Variants in SRBD1 observed in about 807,000 individuals in gnomAD.
SRBD1 encodes the protein S1 RNA-binding domain-containing protein 1.
Under a neutral mutation model 115.3 loss-of-function variants are expected in SRBD1, and 88 were observed. That is an observed-to-expected ratio of 0.76 (90% CI 0.64 to 0.91). The LOEUF (loss-of-function observed/expected upper bound fraction) is 0.91. SRBD1 is among the 40% of genes least tolerant of loss of function. The probability of loss-of-function intolerance (pLI) is 0.00; values close to 1 mark genes in which losing one functional copy is unlikely to be tolerated. For missense variants in SRBD1, 1,385 were observed against 1,177.4 expected (o/e 1.18, Z -2.58); for synonymous variants, 509 against 407.7 (o/e 1.25, Z -2.99).
rs367558918 is a variant in SRBD1 at position 45,418,374 on chromosome 2, G to T, written c.2324C>A (p.Thr775Lys). Residue 775 changes from threonine to lysine, a missense_variant, in exon 18 of 21, where the codon ACG becomes AAG. Physicochemically the swap from Thr to Lys is moderately conservative, Grantham distance 78. Transcript: ENST00000263736. ...FIRINQDYIR[T>K]FCSQQTETSG... ...GTATACTTATACTCACCTGCAAAACGTTCGGATATAATCCTGGTTGATTCT... is the reference window on the plus strand; with the variant it reads ...GTATACTTATACTCACCTGCAAAACTTTCGGATATAATCCTGGTTGATTCT... 1.2e-6 allele frequency: 2 copies of T among 1,613,284 alleles called. No individual in the cohort carries two copies. The highest frequency in any genetic ancestry group is 1.1e-5 in the South Asian group (1 of 91,028).
chr2:45,608,659 G>T (rs1316825613), intron 1 of SRBD1, among the ~76,000 whole-genome samples: 1 of 151,832 alleles, frequency 6.6e-6, no homozygotes, highest in Non-Finnish European at 1.5e-5. Flanking sequence ...ATAATAAACT[G>T]CCTGTCTCTG....
chr2:45,427,689 G>A (rs1389060766), intron 16 of SRBD1, among the ~76,000 whole-genome samples: 1 of 152,152 alleles, frequency 6.6e-6, no homozygotes, highest in African/African-American at 2.4e-5. Flanking sequence ...CAATATCCCT[G>A]ATGAACATCA....
rs889117412 is a variant in SRBD1, at chr2:45,448,458, A to G, written c.2049+28535T>C. ...AGTGGACCATTCTACTATTATGACA[A>G]AGGTATTCAGCATTAGGCACAGAGC... On this transcript the variant is annotated intron_variant, in intron 16 of 20. Coordinates refer to ENST00000263736, the MANE Select transcript of SRBD1 (RefSeq NM_018079.5). Among the ~76,000 whole-genome samples, 12 of 152,168 alleles carry G rather than the reference A, an allele frequency of 7.9e-5. No homozygotes were observed. The East Asian group carries it at 1.9e-3, about 24-fold the overall frequency.
chr2:45,473,113 C>T (rs532035423), intron 16 of SRBD1, among the ~76,000 whole-genome samples: 1 of 151,858 alleles, frequency 6.6e-6, no homozygotes, highest in South Asian at 2.1e-4. Context: ...TGTTTATTTC[C>T]TATACTTTCT....
chr2:45,417,074 T>C (rs1319463682), intron 18 of SRBD1, among the ~76,000 whole-genome samples: 2 of 152,226 alleles, frequency 1.3e-5, no homozygotes, highest in Non-Finnish European at 2.9e-5. Context: ...AAAGAACATA[T>C]AAACTAACAA....
Position 45,602,054 on chromosome 2 carries a change from T to C in SRBD1, c.110A>G (p.Glu37Gly). 11 of 1,614,026 alleles carry C rather than the reference T, an allele frequency of 6.8e-6. No homozygotes were observed. Among genetic ancestry groups the C allele is most frequent in the Non-Finnish European group, 8.5e-6 (10 of 1,179,956 alleles). ...CTTTTGGGGCTCCCAGGCACTATCT[T>C]CCTTGTCATCTTCTTCAGAGGCAGA... is the stretch of plus-strand genomic sequence containing the variant. ...LSSASEEDDK[E>G]DSAWEPQKKV... Residue 37 changes from glutamate (E) to glycine (G), a missense_variant, in exon 3 of 21, where the codon GAA becomes GGA. Coordinates refer to ENST00000263736, the MANE Select transcript of SRBD1 (RefSeq NM_018079.5).
intron 19 of SRBD1, among the ~76,000 whole-genome samples, chr2:45,398,060 A>T (rs1017194738): frequency 6.6e-6 from 1 of 152,228 alleles, no homozygotes; most frequent in African/African-American, 2.4e-5. Context: ...AAGCTAACAG[A>T]TATCTAGTGA....
intron 18 of SRBD1, among the ~76,000 whole-genome samples, chr2:45,417,903 T>C (rs114467589): frequency 0.029 from 4,455 of 152,300 alleles, 217 homozygotes; most frequent in African/African-American, 0.1. Flanking sequence ...ATTTCCTGAA[T>C]ACACCAAAGT....
chr2:45,401,626 T>TC (rs1254247871), intron 19 of SRBD1, among the ~76,000 whole-genome samples: 5 of 152,208 alleles, frequency 3.3e-5, no homozygotes, highest in African/African-American at 1.2e-4. Flanking sequence ...CAGGCAAGTT[T>TC]CCCACAAAGG....
intron 14 of SRBD1, among the ~76,000 whole-genome samples, chr2:45,503,199 TA>T (rs1271416490): frequency 8.0e-6 from 1 of 124,288 alleles, no homozygotes; most frequent in African/African-American, 3.5e-5. Flanking sequence ...CTAAACATAT[TA>T]ATTAGCCCTT....
intron 14 of SRBD1, among the ~76,000 whole-genome samples, chr2:45,523,207 T>C (rs1180886421): frequency 7.0e-6 from 1 of 142,002 alleles, no homozygotes; most frequent in Non-Finnish European, 1.5e-5. Flanking sequence ...ACTATAGTTA[T>C]AAATGCCCAT....
chr2:45,516,698 A>G (rs929712021), intron 14 of SRBD1, among the ~76,000 whole-genome samples: 4 of 152,248 alleles, frequency 2.6e-5, no homozygotes, highest in Non-Finnish European at 5.9e-5. Flanking sequence ...GTAGAGGTAT[A>G]AAAACATACA....
chr2:45,551,810 A>AT (rs1239517071), intron 11 of SRBD1, among the ~76,000 whole-genome samples: 7 of 152,224 alleles, frequency 4.6e-5, no homozygotes, highest in African/African-American at 1.4e-4. Context: ...AAGAGCTTGG[A>AT]TTCTATCCTG....
intron 2 of SRBD1, among the ~76,000 whole-genome samples, chr2:45,603,177 T>G (rs1001081907): frequency 6.6e-6 from 1 of 152,142 alleles, no homozygotes; most frequent in Non-Finnish European, 1.5e-5. Flanking sequence ...TAACCCTATT[T>G]CACAAAGGAA....
intron 14 of SRBD1, among the ~76,000 whole-genome samples, chr2:45,528,146 A>G (rs1671506657): frequency 6.6e-6 from 1 of 151,900 alleles, no homozygotes; most frequent in Non-Finnish European, 1.5e-5. Context: ...TTTAAACTGT[A>G]TGATTCCTTA....
intron 14 of SRBD1, among the ~76,000 whole-genome samples, chr2:45,504,029 C>A (rs762181095): frequency 1.3e-5 from 2 of 152,036 alleles, no homozygotes; most frequent in Non-Finnish European, 2.9e-5. Flanking sequence ...TGAAGAACTA[C>A]CAAGTTTTTA....
chr2:45,489,068 G>C (rs1463158694), intron 14 of SRBD1, among the ~76,000 whole-genome samples: 2 of 151,982 alleles, frequency 1.3e-5, no homozygotes, highest in African/African-American at 2.4e-5. Context: ...CCCACAATGA[G>C]AATACTGTCT....
chr2:45,599,653 C>A lies in SRBD1; in HGVS notation c.444G>T (p.Glu148Asp). The change falls in exon 4 of 21, where the codon GAG (glutamate) becomes GAT (aspartate). Residue 148 changes from glutamate to aspartate, a missense_variant. Physicochemically the swap from Glu to Asp is conservative, Grantham distance 45. Coordinates refer to ENST00000263736, the MANE Select transcript of SRBD1 (RefSeq NM_018079.5). Reference sequence around the variant, plus strand: ...TGGATGGTGTCTCTGAACTATTACTCTCACCCTCTAAGTTGCTGGCTTTGC... The same window carrying A: ...TGGATGGTGTCTCTGAACTATTACTATCACCCTCTAAGTTGCTGGCTTTGC... ...ETSKASNLEG[E>D]SNSSETPSTS... 1 of 1,614,208 alleles carries A rather than the reference C, an allele frequency of 6.2e-7. No homozygotes were observed. The highest frequency in any genetic ancestry group is 8.5e-7 in the Non-Finnish European group (1 of 1,180,046).
intron 10 of SRBD1, 144 bp downstream of exon 10, chr2:45,562,509 G>A: frequency 1.9e-6 from 1 of 531,906 alleles, no homozygotes; most frequent in Non-Finnish European, 3.1e-6. Flanking sequence ...TGGGATTACA[G>A]GCGTGAGCCA....
Sources: allele counts gnomAD v4.1 joint callset (sites outside exome capture counted in the v4.1 genomes callset), GRCh38; gene constraint gnomAD v4.1.1; transcripts MANE v1.5; gene names NCBI Gene and HGNC (gene_info 2026-07-23, HGNC 2026-07-21).